ATP10B: variants seen among roughly 807,000 people sequenced by gnomAD.
ATP10B encodes phospholipid-transporting ATPase VB.
ATP10B carries 122 observed loss-of-function variants against 141.2 expected under a neutral mutation model. The ratio of observed to expected loss-of-function variants is 0.86; its 90% CI spans 0.75 to 1.00. The LOEUF is 1.00. Ranked by LOEUF, ATP10B falls within the 50% of genes least tolerant of loss-of-function variation. The pLI is 0.00. For synonymous variants in ATP10B, 685 were observed against 692.0 expected (o/e 0.99, Z 0.16); for missense variants, 1,876 against 1,825.3 (o/e 1.03, Z -0.51).
intron 3 of ATP10B, among the ~76,000 whole-genome samples, chr5:160,716,376 G>A (rs917505385): frequency 5.3e-5 from 8 of 152,142 alleles, no homozygotes; most frequent in African/African-American, 1.9e-4. Context: ...ACCCTGTGAT[G>A]GGGGGTACTA....
intron 24 of ATP10B, among the ~76,000 whole-genome samples, chr5:160,571,409 G>T (rs1244147616): frequency 6.6e-6 from 1 of 151,864 alleles, no homozygotes. Context: ...AATCTGCTAG[G>T]TTGCTTTATA....
At chr5:160,801,947 C>T (rs114979167) in intron 1 of ATP10B, among the ~76,000 whole-genome samples, 214 of 152,256 alleles carry the variant, frequency 1.4e-3, no homozygotes, top group African/African-American at 5.0e-3. Context: ...CAAAGAAGAT[C>T]TTCCCAAGAA....
intron 10 of ATP10B, among the ~76,000 whole-genome samples, chr5:160,637,041 A>AATCCATCC (rs201357056): frequency 4.3e-4 from 24 of 56,012 alleles, no homozygotes; most frequent in East Asian, 1.2e-3. Context: ...TCCATCCATG[A>AATCCATCC]ATCCATCCAT....
intron 24 of ATP10B, 28 bp from the exon 25 acceptor site, chr5:160,569,711 T>C (rs1484517288): frequency 6.6e-7 from 1 of 1,510,190 alleles, no homozygotes; most frequent in South Asian, 1.3e-5. Flanking sequence ...CAAACACTGT[T>C]GAAGGTATAG....
chr5:160,621,041 A>G, intron 14 of ATP10B, 91 bp from the exon 15 acceptor site: 2 of 1,448,180 alleles, frequency 1.4e-6, no homozygotes, highest in Non-Finnish European at 1.9e-6. Flanking sequence ...TACTTTTGCA[A>G]TAAGTGAAGC....
intron 3 of ATP10B, among the ~76,000 whole-genome samples, chr5:160,704,316 C>T (rs908547828): frequency 1.3e-5 from 2 of 152,082 alleles, no homozygotes; most frequent in Admixed American, 1.3e-4. Context: ...CTCAGCTTCC[C>T]AAAGAGTTGG....
intron 2 of ATP10B, among the ~76,000 whole-genome samples, chr5:160,723,238 T>C (rs914002089): frequency 6.6e-6 from 1 of 152,246 alleles, no homozygotes; most frequent in Non-Finnish European, 1.5e-5. Flanking sequence ...AAGGTTGAAA[T>C]GCTGTTGCAG....
chr5:160,792,441 G>A lies in ATP10B; in HGVS notation c.-575-6638C>T, dbSNP rs115295186. Reference sequence around the variant, plus strand: ...AGAGTCAAGTCTCTTTTGTGGTTACGTGGAACCATGTGACTGTGTTAGGGC... The same window carrying A: ...AGAGTCAAGTCTCTTTTGTGGTTACATGGAACCATGTGACTGTGTTAGGGC... On this transcript the variant is annotated intron_variant, in intron 1 of 25. Transcript: ENST00000327245. 7.8e-3 allele frequency among the ~76,000 whole-genome samples: 1,181 copies of A among 152,226 alleles called. 17 individuals carry two copies. The highest frequency in any genetic ancestry group is 0.027 in the African/African-American group (1,122 of 41,536).
chr5:160,570,248 T>C (rs1243611588), intron 24 of ATP10B, among the ~76,000 whole-genome samples: 1 of 152,210 alleles, frequency 6.6e-6, no homozygotes, highest in Non-Finnish European at 1.5e-5. Flanking sequence ...TATATTCATA[T>C]ATAATTAGGG....
At chr5:160,807,878 A>G (rs2127942260) in intron 1 of ATP10B, among the ~76,000 whole-genome samples, 1 of 152,268 alleles carries the variant, frequency 6.6e-6, no homozygotes, top group South Asian at 2.1e-4. Context: ...CTGCTCTCAC[A>G]TGTTCCTACA....
chr5:160,829,098 C>A lies in ATP10B; in HGVS notation c.-576+22843G>T, dbSNP rs573813913. On this transcript the variant is annotated intron_variant, in intron 1 of 25. Transcript: ENST00000327245. Reference sequence around the variant, plus strand: ...GGGAGGGATAGCATTAGGAGATATACCTAATTCTAAATGATGAGTTAATTG... The same window carrying A: ...GGGAGGGATAGCATTAGGAGATATAACTAATTCTAAATGATGAGTTAATTG... Among the ~76,000 whole-genome samples, 12 of 150,892 alleles carry A rather than the reference C, an allele frequency of 8.0e-5. No homozygotes were observed. The East Asian group carries it at 2.2e-3, about 27-fold the overall frequency.
the ATP10B span, among the ~76,000 whole-genome samples, chr5:160,906,459 G>T: frequency 6.6e-6 from 1 of 152,160 alleles, no homozygotes; most frequent in African/African-American, 2.4e-5. Flanking sequence ...TTTGGAAGGA[G>T]GAGTCAGTGA....
Position 160,653,590 on chromosome 5 carries a change from CATATATACAT to C in ATP10B, c.676-4344_676-4335del, listed in dbSNP as rs1186392488. Among the ~76,000 whole-genome samples the C allele has an allele frequency of 3.5e-4, 39 of 111,596 alleles. 2 individuals are homozygous for C. In the East Asian group the frequency reaches 3.7e-3, roughly 11 times the overall value. 73.2% of individuals were successfully genotyped at this position (111,596 alleles called of 152,430 possible). ...TTACATATACATATATACATATATA[CATATATACAT>C]ATATACATATATACATATATATTAT... On this transcript the variant is annotated intron_variant, in intron 7 of 25. Transcript: ENST00000327245.
rs534112987 is a variant in ATP10B, at chr5:160,565,478, C to A, written c.4361G>T (p.Arg1454Leu). Residue 1454 changes from arginine (R) to leucine (L), a missense_variant, in exon 26 of 26, where the codon CGA becomes CTA. Arg to Leu is a moderately radical substitution (Grantham distance 102, BLOSUM62 -2). Coordinates refer to ENST00000327245, the MANE Select transcript of ATP10B (RefSeq NM_025153.3). Reference protein sequence around the residue: ...CRCSKRSSHRRSQSSLTI With the variant: ...CRCSKRSSHRLSQSSLTI ...TCATATGGTCAGTGAACTCTGGGATCGGCGATGGCTGCTCCTCTTTGAGCA... is the reference window on the plus strand; with the variant it reads ...TCATATGGTCAGTGAACTCTGGGATAGGCGATGGCTGCTCCTCTTTGAGCA... The A allele has an allele frequency of 6.2e-7, 1 of 1,614,024 alleles. No individual in the cohort carries two copies. Among genetic ancestry groups the A allele is most frequent in the East Asian group, 2.2e-5 (1 of 44,872 alleles).
At chr5:160,847,904 A>G (rs2127991228) in intron 1 of ATP10B, among the ~76,000 whole-genome samples, 1 of 152,286 alleles carries the variant, frequency 6.6e-6, no homozygotes, top group South Asian at 2.1e-4. Flanking sequence ...GGTAAAATAC[A>G]ATGAAATTAC....
At chr5:160,632,781 T>C (rs1396641370) in intron 12 of ATP10B, 1 of 159,612 alleles carries the variant, frequency 6.3e-6, no homozygotes, top group African/African-American at 2.4e-5. Flanking sequence ...TGGTCTGCTA[T>C]CACCATGGCA....
At chr5:160,658,737 A>T (rs1386720524) in intron 7 of ATP10B, among the ~76,000 whole-genome samples, 1 of 152,210 alleles carries the variant, frequency 6.6e-6, no homozygotes, top group East Asian at 1.9e-4. Context: ...ACCACGTTTC[A>T]TTCCACATGA....
rs374587422 is a variant in ATP10B, at chr5:160,686,162, G to C, written c.387C>G (p.Ile129Met). The change falls in exon 6 of 26, where the codon ATC (isoleucine) becomes ATG (methionine). Residue 129 changes from isoleucine (I) to methionine (M), a missense_variant. By Grantham distance (10) the Ile-to-Met change is conservative (BLOSUM62 1). Coordinates refer to ENST00000327245, the MANE Select transcript of ATP10B (RefSeq NM_025153.3). ...AGTCCTCCATGCCATCCTTGATCAT[G>C]ATGACGAACAGGACAATGGCCAATG... ...MLPLAIVLFVIMIKDGMEDFK... is the reference protein window; with the variant it reads ...MLPLAIVLFVMMIKDGMEDFK... 11 of 1,613,320 alleles carry C rather than the reference G, an allele frequency of 6.8e-6. No individual in the cohort carries two copies. Among genetic ancestry groups the C allele is most frequent in the Non-Finnish European group, 9.3e-6 (11 of 1,179,458 alleles).
chr5:160,925,814 A>G, the ATP10B span, among the ~76,000 whole-genome samples: 1 of 152,240 alleles, frequency 6.6e-6, no homozygotes, highest in Non-Finnish European at 1.5e-5. Context: ...TTAGGAAAAT[A>G]GGAGTCCTTT....
Sources: allele counts gnomAD v4.1 joint callset (sites outside exome capture counted in the v4.1 genomes callset), GRCh38; gene constraint gnomAD v4.1.1; transcripts MANE v1.5; gene names NCBI Gene and HGNC (gene_info 2026-07-23, HGNC 2026-07-21).